Variants in MAML3 observed in about 807,000 individuals in gnomAD.
MAML3 encodes mastermind-like protein 3.
A neutral mutation model predicts 101.9 loss-of-function variants in MAML3; 27 were observed. The ratio of observed to expected loss-of-function variants is 0.27; its 90% CI spans 0.20 to 0.37. The LOEUF is 0.37. MAML3 is among the 10% of genes least tolerant of loss of function. MAML3 has a pLI of 1.00. For synonymous variants in MAML3, 501 were observed against 555.9 expected (o/e 0.90, Z 1.39); for missense variants, 1,316 against 1,444.9 (o/e 0.91, Z 1.45).
rs141314824 is a variant in MAML3 at position 140,143,889 on chromosome 4, T to G, written c.468+8971A>C. ...CATGCAACACAGCAGTCCTCTAACTTCTTCCCAGGCATCCTTCACCTCATC... is the reference window on the plus strand; with the variant it reads ...CATGCAACACAGCAGTCCTCTAACTGCTTCCCAGGCATCCTTCACCTCATC... On this transcript the variant is annotated intron_variant, in intron 1 of 4. Transcript: ENST00000509479. Among the ~76,000 whole-genome samples, 42 of 152,304 alleles carry G rather than the reference T, an allele frequency of 2.8e-4. No individual in the cohort carries two copies. In the East Asian group the frequency reaches 7.9e-3, roughly 29 times the overall value.
intron 1 of MAML3, among the ~76,000 whole-genome samples, chr4:139,990,254 A>C (rs1201559337): frequency 2.6e-5 from 4 of 152,250 alleles, no homozygotes; most frequent in Non-Finnish European, 4.4e-5. Flanking sequence ...ATATACGCAA[A>C]TCAATAAATG....
chr4:139,730,577 G>T lies in MAML3; in HGVS notation c.2170C>A (p.Pro724Thr). The T allele has an allele frequency of 1.2e-6, 2 of 1,606,094 alleles. No homozygotes were observed. The change falls in exon 3 of 5, where the codon CCC (proline) becomes ACC (threonine). Residue 724 changes from proline (P) to threonine (T), a missense_variant. Physicochemically the swap from Pro to Thr is conservative, Grantham distance 38 (BLOSUM62 -1). Transcript: ENST00000509479. The part of the protein sequence containing the change: ...GSGGMVSGAS[P>T]AGPGFLGSQP... ...CTGCCCAGGAAGCCGGGGCCTGCGG[G>T]ACTGGCTCCTGAGACCATGCCACCT... is the stretch of plus-strand genomic sequence containing the variant.
At chr4:140,113,065 G>A (rs1728464158) in intron 1 of MAML3, among the ~76,000 whole-genome samples, 1 of 152,078 alleles carries the variant, frequency 6.6e-6, no homozygotes. Context: ...GGATCACAGG[G>A]TTAGGAGATG....
rs577517796 is a variant in MAML3, at chr4:139,748,351, A to C, written c.2080-17684T>G. Among the ~76,000 whole-genome samples the C allele has an allele frequency of 2.8e-4, 42 of 152,274 alleles. No individual in the cohort carries two copies. In the East Asian group the frequency reaches 7.9e-3, roughly 29 times the overall value. On this transcript the variant is annotated intron_variant, in intron 2 of 4. Transcript: ENST00000509479. ...AGGGGCTTCAGAGAAACAGGCTCAC[A>C]CCCCAAAACAGAGTCACTAAGGGAC...
chr4:140,092,103 C>T (rs886310525), intron 1 of MAML3, among the ~76,000 whole-genome samples: 14 of 79,370 alleles, frequency 1.8e-4, no homozygotes, highest in African/African-American at 2.7e-4. Context: ...TATATATATA[C>T]GTATATATAT....
chr4:139,952,042 G>A (rs536140065), intron 1 of MAML3, among the ~76,000 whole-genome samples: 1 of 152,050 alleles, frequency 6.6e-6, no homozygotes, highest in East Asian at 1.9e-4. Flanking sequence ...GCGGGTGCCT[G>A]TGATCCCAGC....
rs1388980409 is a variant in MAML3, at chr4:139,886,062, G to A, written c.2079+3295C>T. ...TCAAAAACTTTTAATGGTAAAAAAT[G>A]TTATTGCTACTTTCACTGTCACTAA... On this transcript the variant is annotated intron_variant, in intron 2 of 4. Coordinates refer to ENST00000509479, the MANE Select transcript of MAML3 (RefSeq NM_018717.5). Among the ~76,000 whole-genome samples, 3 of 150,590 alleles carry A rather than the reference G, an allele frequency of 2.0e-5. No homozygotes were observed. The East Asian group carries it at 6.0e-4, about 30-fold the overall frequency.
chr4:140,021,961 A>C lies in MAML3; in HGVS notation c.468+130899T>G, dbSNP rs553903522. On this transcript the variant is annotated intron_variant, in intron 1 of 4. Coordinates refer to ENST00000509479, the MANE Select transcript of MAML3 (RefSeq NM_018717.5). ...ATTATCCCCATTTTAGAGATATGGG[A>C]ACTGGGACACCAAAAGGTAACATAG... Among the ~76,000 whole-genome samples, 6 of 152,278 alleles carry C rather than the reference A, an allele frequency of 3.9e-5. No homozygotes were observed. In the South Asian group the frequency reaches 1.0e-3, roughly 26 times the overall value.
intron 1 of MAML3, among the ~76,000 whole-genome samples, chr4:140,131,147 A>G (rs1728786938): frequency 6.6e-6 from 1 of 152,146 alleles, no homozygotes; most frequent in South Asian, 2.1e-4. Flanking sequence ...TTGTTTCTGT[A>G]GTGGTGGAGG....
At chr4:139,815,770 G>C (rs1486436819) in intron 2 of MAML3, among the ~76,000 whole-genome samples, 1 of 152,172 alleles carries the variant, frequency 6.6e-6, no homozygotes, top group Non-Finnish European at 1.5e-5. Context: ...GTTCAAAACT[G>C]AAGTTTCCTC....
Position 139,889,760 on chromosome 4 carries a change from T to C in MAML3, c.1676A>G (p.Asn559Ser), listed in dbSNP as rs760046042. ...NQNPIVPPMA[N>S]NLQKTTMNNY... ...ATTCATTGTTGTCTTCTGCAGGTTG[T>C]TTGCCATTGGAGGCACTATAGGGTT... Residue 559 changes from asparagine (N) to serine (S), a missense_variant, in exon 2 of 5, where the codon AAC becomes AGC. Coordinates refer to ENST00000509479, the MANE Select transcript of MAML3 (RefSeq NM_018717.5). 9.9e-6 allele frequency: 16 copies of C among 1,614,052 alleles called. No individual in the cohort carries two copies. Among genetic ancestry groups the C allele is most frequent in the Non-Finnish European group, 1.3e-5 (15 of 1,179,896 alleles).
At chr4:139,935,971 T>C (rs553493121) in intron 1 of MAML3, among the ~76,000 whole-genome samples, 1 of 152,334 alleles carries the variant, frequency 6.6e-6, no homozygotes, top group African/African-American at 2.4e-5. Flanking sequence ...TTGTACATTA[T>C]ATCCCTGGAA....
At chr4:140,147,986 T>C (rs1237143490) in intron 1 of MAML3, among the ~76,000 whole-genome samples, 1 of 152,102 alleles carries the variant, frequency 6.6e-6, no homozygotes, top group Non-Finnish European at 1.5e-5. Context: ...CTCAACCAAA[T>C]GGGCAGGAAA....
At chr4:139,859,232 T>A (rs1357125574) in intron 2 of MAML3, among the ~76,000 whole-genome samples, 1 of 151,742 alleles carries the variant, frequency 6.6e-6, no homozygotes, top group Admixed American at 6.6e-5. Flanking sequence ...ACTACATTTT[T>A]TTTTTTTTTT....
At position 140,149,939 on chromosome 4, in the gene MAML3, C is replaced by T. The variant is rs553893810; in HGVS notation, c.468+2921G>A. ...TATAACTTGTAGAGCATGTTTCTTTCTTTTTTTTTTTTTTTTTTGGTACAC... is the reference window on the plus strand; with the variant it reads ...TATAACTTGTAGAGCATGTTTCTTTTTTTTTTTTTTTTTTTTTTGGTACAC... On this transcript the variant is annotated intron_variant, in intron 1 of 4. Coordinates refer to ENST00000509479, the MANE Select transcript of MAML3 (RefSeq NM_018717.5). 5.1e-4 allele frequency among the ~76,000 whole-genome samples: 66 copies of T among 129,814 alleles called. 1 individual carries two copies. The highest frequency in any genetic ancestry group is 1.2e-3 in the South Asian group (5 of 4,190). 85.2% of individuals were successfully genotyped at this position (129,814 alleles called of 152,430 possible).
chr4:140,009,661 C>A (rs1335509696), intron 1 of MAML3, among the ~76,000 whole-genome samples: 1 of 152,202 alleles, frequency 6.6e-6, no homozygotes, highest in Non-Finnish European at 1.5e-5. Flanking sequence ...GATTTAATTG[C>A]ATTGATTTAA....
At chr4:140,123,098 T>TG (rs1010252251) in intron 1 of MAML3, among the ~76,000 whole-genome samples, 14 of 151,720 alleles carry the variant, frequency 9.2e-5, no homozygotes, top group South Asian at 2.1e-4. Context: ...TGCGGTTTTT[T>TG]TTTTTTTTTT....
intron 1 of MAML3, among the ~76,000 whole-genome samples, chr4:140,057,270 T>C (rs889030907): frequency 6.6e-6 from 1 of 152,066 alleles, no homozygotes; most frequent in Non-Finnish European, 1.5e-5. Flanking sequence ...CTTGTCTCTA[T>C]TATATATATA....
chr4:139,754,509 T>C (rs2111045606), intron 2 of MAML3, among the ~76,000 whole-genome samples: 1 of 152,360 alleles, frequency 6.6e-6, no homozygotes, highest in African/African-American at 2.4e-5. Flanking sequence ...TTGTTGGACA[T>C]TTAAATAATT....
Sources: gnomAD v4.1 joint callset for allele counts (sites outside exome capture counted in the v4.1 genomes callset) on GRCh38, gnomAD v4.1.1 for gene constraint, MANE v1.5 for transcripts, NCBI Gene and HGNC (gene_info 2026-07-23, HGNC 2026-07-21) for gene names.